The following AQP1 variants were observed in gnomAD, a reference collection of about 807,000 sequenced individuals.
The protein encoded by AQP1 is aquaporin 1 (Colton blood group).
Under a neutral mutation model 19.7 loss-of-function variants are expected in AQP1, and 11 were observed. That is an observed-to-expected ratio of 0.56 (90% confidence interval 0.35 to 0.92). The LOEUF (loss-of-function observed/expected upper bound fraction) is 0.92, where lower values mean the gene tolerates loss of function less well. AQP1 is among the 40% of genes least tolerant of loss of function. The pLI is 0.01. For synonymous variants in AQP1, 159 were observed against 166.7 expected, an observed-to-expected ratio of 0.95 and a Z score of 0.36; for missense variants, 320 against 369.7, an observed-to-expected ratio of 0.87 and a Z score of 1.10.
At chr7:30,915,819 G>A (rs976544744) in intron 1 of AQP1, among the ~76,000 whole-genome samples, 5 of 152,170 alleles carry the variant, frequency 3.3e-5, no homozygotes, top group African/African-American at 1.2e-4. Flanking sequence ...TAGAGTGAGA[G>A]GCCTCTTCAT....
chr7:30,921,284 C>T (rs1791491338), intron 1 of AQP1: 1 of 1,277,684 alleles, frequency 7.8e-7, no homozygotes, highest in African/African-American at 1.5e-5. Flanking sequence ...CCTTCTCTTT[C>T]CATGAGTCAT....
In AQP1 at chr7:30,923,897, A is replaced by G; in HGVS notation, c.*268A>G. ...GTTGTGGAGGAGGTGAAAGAAAGGG[A>G]CCCACCTGCTAGTCGCCCCTCAGAG... On this transcript the variant is annotated 3_prime_UTR_variant, in exon 4 of 4. Transcript: ENST00000311813. The surrounding 1 kb of genome is among the most constrained non-coding windows in gnomAD (Gnocchi z 4.8). The G allele has an allele frequency of 2.0e-6, 3 of 1,476,976 alleles. No homozygotes were observed. The highest frequency in any genetic ancestry group is 2.7e-6 in the Non-Finnish European group (3 of 1,104,424). 91.5% of individuals were successfully genotyped at this position (1,476,976 alleles called of 1,614,324 possible).
chr7:30,912,128 C>T lies in AQP1; in HGVS notation c.219C>T (p.Ala73=), dbSNP rs749425186. The change falls in exon 1 of 4, where the codon GCC becomes GCT. Residue 73 remains alanine (A), a synonymous_variant. Coordinates refer to ENST00000311813, the MANE Select transcript of AQP1 (RefSeq NM_198098.4). The surrounding 1 kb of genome is among the most constrained non-coding windows in gnomAD (Gnocchi z 4.3). The stretch of plus-strand genomic sequence containing the variant: ...AGAGTGTGGGCCACATCAGCGGCGC[C>T]CACCTCAACCCGGCTGTCACACTGG... ...LAQSVGHISG[A]HLNPAVTLGL... The T allele has an allele frequency of 4.6e-5, 74 of 1,613,052 alleles. No individual in the cohort carries two copies. The highest frequency in any genetic ancestry group is 6.7e-5 in the East Asian group (3 of 44,890).
At chr7:30,922,042 C>T in intron 1 of AQP1, 24 bp from the exon 2 acceptor site, 1 of 1,613,282 alleles carries the variant, frequency 6.2e-7, no homozygotes, top group Non-Finnish European at 8.5e-7. Context: ...CCTCACCAGT[C>T]CTCACCACCT....
Position 30,922,645 on chromosome 7 carries a change from G to A in AQP1, c.630+1G>A. On this transcript the variant is annotated splice_donor_variant, in intron 3 of 3. Coordinates refer to ENST00000311813, the MANE Select transcript of AQP1 (RefSeq NM_198098.4). LOFTEE classifies it high-confidence loss of function. ...CACACACAACTTCAGCAACCACTGG[G>A]TAGGAGACCCACGGGGGGTGGGGTG... 1.2e-6 allele frequency: 2 copies of A among 1,613,906 alleles called. No individual in the cohort carries two copies. Among genetic ancestry groups the A allele is most frequent in the Non-Finnish European group, 1.7e-6 (2 of 1,179,786 alleles).
chr7:30,921,385 G>A, intron 1 of AQP1: 1 of 1,411,756 alleles, frequency 7.1e-7, no homozygotes, highest in Non-Finnish European at 9.2e-7. Flanking sequence ...GCTGAGGCCA[G>A]CAGTGGGGAG....
At chr7:30,922,266 A>C in intron 2 of AQP1, 36 bp downstream of exon 2, 59 of 1,008,160 alleles carry the variant, frequency 5.9e-5, no homozygotes, top group East Asian at 8.4e-5. Flanking sequence ...AGGTGGGGGA[A>C]GGGAGGGCGG....
At chr7:30,920,564 G>A (rs553702992) in intron 1 of AQP1, among the ~76,000 whole-genome samples, 14 of 152,336 alleles carry the variant, frequency 9.2e-5, no homozygotes, top group East Asian at 3.9e-4. Context: ...GCCCTGAGAC[G>A]GCCCCTTTGG....
chr7:30,920,650 C>A (rs917661106), intron 1 of AQP1, among the ~76,000 whole-genome samples: 16 of 152,346 alleles, frequency 1.1e-4, no homozygotes, highest in Admixed American at 8.5e-4. Flanking sequence ...AGACTGAAGA[C>A]CAGAGGGAAT....
In AQP1 at chr7:30,923,936, G is replaced by T. The variant is rs1454958113; in HGVS notation, c.*307G>T. 1 of 1,430,736 alleles carries T rather than the reference G, an allele frequency of 7.0e-7. No homozygotes were observed. The highest frequency in any genetic ancestry group is 9.3e-7 in the Non-Finnish European group (1 of 1,074,290). The allele number at this position is 1,430,736 out of a possible 1,614,324, so 88.6% of individuals were successfully genotyped here. On this transcript the variant is annotated 3_prime_UTR_variant, in exon 4 of 4. Coordinates refer to ENST00000311813, the MANE Select transcript of AQP1 (RefSeq NM_198098.4). This position sits in a 1 kb window ranked among gnomAD's most constrained non-coding sequence, Gnocchi z 4.8. ...CGCCCCTCAGAGCATGATGGGAGGT[G>T]TGCCAGAAAGTCCCCCCTCGCCCCA...
In AQP1 at chr7:30,925,508, T is replaced by G. The variant is rs1301718390; in HGVS notation, c.*1879T>G. On this transcript the variant is annotated 3_prime_UTR_variant, in exon 4 of 4. Transcript: ENST00000311813. ...GTTAAGAAAATAAAGGAAAATGACT[T>G]GTAAGGTCCTTCAGGCTTCCTGTAG... 6.6e-6 allele frequency: 1 copy of G among 152,282 alleles called. No individual in the cohort carries two copies. Among genetic ancestry groups the G allele is most frequent in the Non-Finnish European group, 1.5e-5 (1 of 68,064 alleles). 9.4% of individuals were successfully genotyped at this position (152,282 alleles called of 1,614,324 possible).
rs967946265 is a variant in AQP1, at chr7:30,921,842, T to A, written c.385-224T>A. On this transcript the variant is annotated intron_variant, in intron 1 of 3. Transcript: ENST00000311813. ...AGTGGGGCCTGGGTCTAGGCAGGTATTAGGGGCTGGGCTGGAGTTTCATTA... is the reference window on the plus strand; with the variant it reads ...AGTGGGGCCTGGGTCTAGGCAGGTAATAGGGGCTGGGCTGGAGTTTCATTA... The A allele has an allele frequency of 3.2e-6, 5 of 1,546,948 alleles. No individual in the cohort carries two copies. The African/African-American group carries it at 4.1e-5, about 13-fold the overall frequency.
intron 1 of AQP1, among the ~76,000 whole-genome samples, chr7:30,915,002 G>T (rs1791276038): frequency 6.6e-6 from 1 of 152,206 alleles, no homozygotes; most frequent in Non-Finnish European, 1.5e-5. Context: ...ACTCTCACCT[G>T]TCCCTGTCCT....
chr7:30,912,417 G>A lies in AQP1; in HGVS notation c.384+124G>A. On this transcript the variant is annotated intron_variant, in intron 1 of 3. Transcript: ENST00000311813. The surrounding 1 kb of genome is among the most constrained non-coding windows in gnomAD (Gnocchi z 4.3). ...CGGAGAGGACAAGAGGTTGCTGGAG[G>A]TCACGTAGAGAGCTGGGGGGAAGAG... 3 of 1,399,664 alleles carry A rather than the reference G, an allele frequency of 2.1e-6. No individual in the cohort carries two copies. The highest frequency in any genetic ancestry group is 2.9e-6 in the Non-Finnish European group (3 of 1,037,540). The allele number at this position is 1,399,664 out of a possible 1,614,324, so 86.7% of individuals were successfully genotyped here. A position where few individuals can be genotyped will look rare whatever the true frequency, so the allele number is the denominator to read the frequency against.
intron 1 of AQP1, among the ~76,000 whole-genome samples, chr7:30,914,985 G>A (rs1348847294): frequency 6.6e-6 from 1 of 152,194 alleles, no homozygotes; most frequent in Non-Finnish European, 1.5e-5. Context: ...CTGAGGCTGG[G>A]GTGGACACTC....
chr7:30,914,522 G>T (rs185565770), intron 1 of AQP1, among the ~76,000 whole-genome samples: 181 of 152,356 alleles, frequency 1.2e-3, no homozygotes, highest in Non-Finnish European at 2.1e-3. Context: ...GTGGAAGGGT[G>T]GGGTTCAGGA....
At position 30,924,021 on chromosome 7, in the gene AQP1, CT is replaced by C; in HGVS notation, c.*395del. The C allele has an allele frequency of 7.5e-7, 1 of 1,329,966 alleles. No individual in the cohort carries two copies. The highest frequency in any genetic ancestry group is 9.9e-7 in the Non-Finnish European group (1 of 1,010,140). The allele number at this position is 1,329,966 out of a possible 1,614,324, so 82.4% of individuals were successfully genotyped here. On this transcript the variant is annotated 3_prime_UTR_variant, in exon 4 of 4. Transcript: ENST00000311813. ...GGATTCTACCGTAATTGCTTTGTGC[CT>C]TTGGGCACGGCCCTCCTTCTTTTCC... is the stretch of plus-strand genomic sequence containing the variant.
At chr7:30,913,489 A>G in intron 1 of AQP1, 1 of 152,498 alleles carries the variant, frequency 6.6e-6, no homozygotes, top group Non-Finnish European at 1.5e-5. Context: ...GGCTGTGGGC[A>G]GGGCATGTGG....
Position 30,924,093 on chromosome 7 carries a change from C to A in AQP1, c.*464C>A. ...ATGGTGCTTGGAGGGGGAAGAGATC[C>A]CAGGAGGTGCAGTGGAGGGGGCAAG... On this transcript the variant is annotated 3_prime_UTR_variant, in exon 4 of 4. Transcript: ENST00000311813. 8.3e-7 allele frequency: 1 copy of A among 1,203,288 alleles called. No homozygotes were observed. Among genetic ancestry groups the A allele is most frequent in the South Asian group, 1.5e-5 (1 of 65,612 alleles). The allele number at this position is 1,203,288 out of a possible 1,614,324, so 74.5% of individuals were successfully genotyped here. A position where few individuals can be genotyped will look rare whatever the true frequency, so the allele number is the denominator to read the frequency against.
Sources: allele counts gnomAD v4.1 joint callset (sites outside exome capture counted in the v4.1 genomes callset), GRCh38; gene constraint gnomAD v4.1.1; non-coding constraint Gnocchi (gnomAD v3.1); transcripts MANE v1.5; gene names NCBI Gene and HGNC (gene_info 2026-07-23, HGNC 2026-07-21).